CACNA2D1: variants seen among roughly 807,000 people sequenced by gnomAD.
CACNA2D1 encodes calcium voltage-gated channel auxiliary subunit alpha2delta 1.
A neutral mutation model predicts 171.5 loss-of-function variants in CACNA2D1; 53 were observed. That is an observed-to-expected ratio of 0.31 (90% CI 0.25 to 0.39). The LOEUF (loss-of-function observed/expected upper bound fraction) is 0.39, where lower values mean the gene tolerates loss of function less well. Among genes scored for constraint, CACNA2D1 ranks in the 10% least tolerant of loss-of-function variants. The pLI is 1.00. For synonymous variants in CACNA2D1, 442 were observed against 443.1 expected (o/e 1.00, Z 0.03); for missense variants, 903 against 1,299.8 (o/e 0.69, Z 4.69).
At chr7:82,279,779 T>A (rs1809842807) in intron 3 of CACNA2D1, among the ~76,000 whole-genome samples, 1 of 152,170 alleles carries the variant, frequency 6.6e-6, no homozygotes, top group Non-Finnish European at 1.5e-5. Flanking sequence ...AATAAAATCA[T>A]AATAAGTATA....
intron 9 of CACNA2D1, among the ~76,000 whole-genome samples, chr7:82,060,975 T>C (rs1806826830): frequency 6.6e-6 from 1 of 152,154 alleles, no homozygotes; most frequent in African/African-American, 2.4e-5. Flanking sequence ...AAATGCCTTG[T>C]TCTGCATCCT....
In CACNA2D1 at chr7:82,200,821, G is replaced by C. The variant is rs116459405; in HGVS notation, c.295-30212C>G. On this transcript the variant is annotated intron_variant, in intron 3 of 38. Coordinates refer to ENST00000356860, the MANE Select transcript of CACNA2D1 (RefSeq NM_000722.4). ...CCATAGAGTGATTTAGAAATGTGAA[G>C]CTGTTTAACATATCTAACTGAAGCC... Among the ~76,000 whole-genome samples the C allele has an allele frequency of 6.2e-3, 943 of 152,288 alleles. 10 individuals are homozygous for C. The highest frequency in any genetic ancestry group is 0.022 in the African/African-American group (895 of 41,562).
chr7:82,335,570 G>A (rs1370337872), intron 2 of CACNA2D1, among the ~76,000 whole-genome samples: 4 of 152,126 alleles, frequency 2.6e-5, no homozygotes, highest in Admixed American at 6.5e-5. Flanking sequence ...CATCAGCATC[G>A]TAAGAGAAAG....
At chr7:82,359,349 A>C (rs1358472814) in intron 1 of CACNA2D1, among the ~76,000 whole-genome samples, 1 of 152,108 alleles carries the variant, frequency 6.6e-6, no homozygotes, top group African/African-American at 2.4e-5. Flanking sequence ...GTCATGGTAA[A>C]AATTTCCTTA....
chr7:82,204,617 A>C (rs1375011293), intron 3 of CACNA2D1, among the ~76,000 whole-genome samples: 5 of 152,042 alleles, frequency 3.3e-5, no homozygotes, highest in African/African-American at 1.2e-4. Context: ...ACATCTCCTC[A>C]CTAGAAAAAC....
At chr7:82,218,020 C>T (rs955183896) in intron 3 of CACNA2D1, among the ~76,000 whole-genome samples, 5 of 151,716 alleles carry the variant, frequency 3.3e-5, no homozygotes, top group African/African-American at 4.8e-5. Flanking sequence ...CTGCAAGCTC[C>T]GCCTCCCGGG....
chr7:81,983,896 T>A (rs777901994), intron 22 of CACNA2D1, among the ~76,000 whole-genome samples: 3 of 152,190 alleles, frequency 2.0e-5, no homozygotes, highest in Non-Finnish European at 4.4e-5. Flanking sequence ...TTCTTTTGTA[T>A]TTTACTTCAT....
chr7:81,961,092 ATTTC>A (rs1343613996), intron 36 of CACNA2D1, among the ~76,000 whole-genome samples: 1 of 151,124 alleles, frequency 6.6e-6, no homozygotes, highest in East Asian at 1.9e-4. Context: ...ACCTCCTCCT[ATTTC>A]TTCTTCCGCT....
intron 1 of CACNA2D1, among the ~76,000 whole-genome samples, chr7:82,389,871 G>A (rs181207513): frequency 3.2e-4 from 48 of 148,848 alleles, no homozygotes; most frequent in Admixed American, 8.2e-4. Context: ...AAATTCTGAC[G>A]TGTTTGTTTA....
intron 1 of CACNA2D1, among the ~76,000 whole-genome samples, chr7:82,358,422 G>A (rs1243274853): frequency 6.6e-6 from 1 of 152,168 alleles, no homozygotes; most frequent in East Asian, 1.9e-4. Flanking sequence ...TGCCAGAAAT[G>A]TTAGTTAGTT....
At chr7:82,257,830 A>T (rs1806486532) in intron 3 of CACNA2D1, among the ~76,000 whole-genome samples, 1 of 152,240 alleles carries the variant, frequency 6.6e-6, no homozygotes, top group Admixed American at 6.5e-5. Flanking sequence ...GAAACATATT[A>T]GCTAAAAAAG....
rs551429346 is a variant in CACNA2D1, at chr7:82,278,409, T to C, written c.294+56726A>G. Among the ~76,000 whole-genome samples, 12 of 151,880 alleles carry C rather than the reference T, an allele frequency of 7.9e-5. No individual in the cohort carries two copies. In the East Asian group the frequency reaches 2.3e-3, roughly 30 times the overall value. On this transcript the variant is annotated intron_variant, in intron 3 of 38. Coordinates refer to ENST00000356860, the MANE Select transcript of CACNA2D1 (RefSeq NM_000722.4). ...GCCTGGCCAACATGGCAAAACCCCA[T>C]AACTAATAAAAATACAAAAATTAGC...
At chr7:82,368,057 A>G (rs1360892614) in intron 1 of CACNA2D1, among the ~76,000 whole-genome samples, 1 of 152,184 alleles carries the variant, frequency 6.6e-6, no homozygotes, top group Non-Finnish European at 1.5e-5. Context: ...CAATGTAATC[A>G]AGAGTAATGA....
intron 21 of CACNA2D1, among the ~76,000 whole-genome samples, chr7:81,985,411 A>G (rs1796870370): frequency 6.6e-6 from 1 of 152,046 alleles, no homozygotes; most frequent in South Asian, 2.1e-4. Context: ...TATGTTGCCC[A>G]GGCAGTCTGC....
At chr7:82,113,822 G>T (rs1033355980) in intron 6 of CACNA2D1, among the ~76,000 whole-genome samples, 2 of 152,108 alleles carry the variant, frequency 1.3e-5, no homozygotes, top group African/African-American at 4.8e-5. Context: ...ATTTATTCAT[G>T]CAGCTTATAA....
Position 82,388,608 on chromosome 7 carries a change from C to T in CACNA2D1, c.96-38959G>A, listed in dbSNP as rs371327985. Among the ~76,000 whole-genome samples the T allele has an allele frequency of 1.8e-3, 275 of 152,244 alleles. 1 individual carries two copies. Among genetic ancestry groups the T allele is most frequent in the South Asian group, 6.8e-3 (33 of 4,826 alleles). On this transcript the variant is annotated intron_variant, in intron 1 of 38. Coordinates refer to ENST00000356860, the MANE Select transcript of CACNA2D1 (RefSeq NM_000722.4). ...AGCACCAAACTTGCGGTTCCAGTTGCTTCCCCAGAGTGGGATTTTGATTTC... is the reference window on the plus strand; with the variant it reads ...AGCACCAAACTTGCGGTTCCAGTTGTTTCCCCAGAGTGGGATTTTGATTTC...
At chr7:82,264,627 G>C (rs1303597531) in intron 3 of CACNA2D1, among the ~76,000 whole-genome samples, 1 of 152,134 alleles carries the variant, frequency 6.6e-6, no homozygotes, top group Non-Finnish European at 1.5e-5. Context: ...GACCTGAAGA[G>C]AAATGAAGAA....
intron 1 of CACNA2D1, among the ~76,000 whole-genome samples, chr7:82,381,699 T>G (rs571349534): frequency 1.3e-4 from 20 of 152,330 alleles, no homozygotes; most frequent in African/African-American, 4.6e-4. Context: ...AAAAAATACT[T>G]GAGCTCCCTT....
chr7:82,007,818 C>A, intron 15 of CACNA2D1, 62 bp from the exon 16 acceptor site: 2 of 945,976 alleles, frequency 2.1e-6, no homozygotes, highest in East Asian at 2.4e-5. Context: ...TGTCAGAGTG[C>A]ACTAACCTTT....
Sources: allele counts gnomAD v4.1 joint callset (sites outside exome capture counted in the v4.1 genomes callset), GRCh38; gene constraint gnomAD v4.1.1; transcripts MANE v1.5; gene names NCBI Gene and HGNC (gene_info 2026-07-23, HGNC 2026-07-21).